The following GRIK1 variants were observed in gnomAD, a reference collection of about 807,000 sequenced individuals.
GRIK1 encodes glutamate receptor ionotropic, kainate 1.
A neutral mutation model predicts 105.7 loss-of-function variants in GRIK1; 69 were observed. The observed-to-expected ratio is 0.65, with a 90% CI of 0.54 to 0.80. GRIK1 has a LOEUF of 0.80. Ranked by LOEUF, GRIK1 falls within the 30% of genes least tolerant of loss-of-function variation. The pLI is 0.00. For synonymous variants in GRIK1, 438 were observed against 431.3 expected (o/e 1.02, Z -0.19); for missense variants, 1,109 against 1,167.3 (o/e 0.95, Z 0.73).
rs555370452 is a variant in GRIK1 at position 29,719,063 on chromosome 21, G to GGT, written c.119-25002_119-25001dup. On this transcript the variant is annotated intron_variant, in intron 1 of 17. Coordinates refer to ENST00000327783, the MANE Select transcript of GRIK1 (RefSeq NM_001330994.2). ...CTTGAGCCAGTAGTTACAGTAGAAA[G>GGT]GTGTGTGTGTGTATATACATATATA... 6.4e-4 allele frequency among the ~76,000 whole-genome samples: 72 copies of GGT among 113,226 alleles called. No homozygotes were observed. The East Asian group carries it at 0.015, about 24-fold the overall frequency. 74.3% of individuals were successfully genotyped at this position (113,226 alleles called of 152,430 possible). A position where few individuals can be genotyped will look rare whatever the true frequency, so the allele number is the denominator to read the frequency against.
intron 1 of GRIK1, among the ~76,000 whole-genome samples, chr21:29,697,989 T>C (rs1053176592): frequency 3.3e-5 from 5 of 150,898 alleles, no homozygotes; most frequent in African/African-American, 1.2e-4. Flanking sequence ...GTCTCTTTCT[T>C]TCTTTCTCTT....
intron 1 of GRIK1, among the ~76,000 whole-genome samples, chr21:29,825,500 A>C (rs1014328363): frequency 1.2e-4 from 19 of 152,090 alleles, no homozygotes; most frequent in African/African-American, 4.3e-4. Flanking sequence ...ACTCTTTTAG[A>C]TGATATATCT....
intron 1 of GRIK1, among the ~76,000 whole-genome samples, chr21:29,802,186 T>C (rs1034342196): frequency 6.6e-6 from 1 of 152,184 alleles, no homozygotes. Flanking sequence ...AATTCAAAAA[T>C]TGTGGAGTCA....
At chr21:29,678,497 G>A (rs363512) in intron 3 of GRIK1, among the ~76,000 whole-genome samples, 19,971 of 151,984 alleles carry the variant, frequency 0.13, 1,900 homozygotes, top group African/African-American at 0.26. Flanking sequence ...CTGAATTCTC[G>A]TTAAGTTTCA....
At chr21:29,846,065 C>A (rs2068102278) in intron 1 of GRIK1, among the ~76,000 whole-genome samples, 2 of 152,144 alleles carry the variant, frequency 1.3e-5, no homozygotes, top group South Asian at 4.1e-4. Flanking sequence ...CTCCTCCCCA[C>A]TGGCCAAATA....
At chr21:29,763,514 G>A (rs749844854) in intron 1 of GRIK1, 1 of 152,402 alleles carries the variant, frequency 6.6e-6, no homozygotes, top group Non-Finnish European at 1.5e-5. Flanking sequence ...GCTGGGGTTA[G>A]TATTAGAGTT....
intron 1 of GRIK1, among the ~76,000 whole-genome samples, chr21:29,753,119 GCTGTCTTA>G (rs1222635187): frequency 6.6e-6 from 1 of 152,200 alleles, no homozygotes; most frequent in Non-Finnish European, 1.5e-5. Context: ...GAGTTTGCAA[GCTGTCTTA>G]CTTCATCCAT....
intron 1 of GRIK1, among the ~76,000 whole-genome samples, chr21:29,707,442 C>CCCTCCCTCCCTTCCTTCCTTCCTT (rs2063936836): frequency 3.0e-4 from 1 of 3,302 alleles, no homozygotes; most frequent in African/African-American, 5.4e-4. Flanking sequence ...CTCCCTCCCT[C>CCCTCCCTCCCTTCCTTCCTTCCTT]CCTCCCTCCC....
At chr21:29,886,854 A>G (rs2146203508) in intron 1 of GRIK1, among the ~76,000 whole-genome samples, 1 of 152,330 alleles carries the variant, frequency 6.6e-6, no homozygotes, top group East Asian at 1.9e-4. Flanking sequence ...TATGAGAGAA[A>G]TGGCAACTAA....
intron 1 of GRIK1, among the ~76,000 whole-genome samples, chr21:29,912,980 T>A (rs555981050): frequency 6.6e-6 from 1 of 152,282 alleles, no homozygotes; most frequent in East Asian, 1.9e-4. Context: ...CAAGACATAC[T>A]TAATAATAAC....
At chr21:29,616,043 G>C (rs988523961) in intron 7 of GRIK1, among the ~76,000 whole-genome samples, 1 of 152,156 alleles carries the variant, frequency 6.6e-6, no homozygotes, top group Admixed American at 6.5e-5. Context: ...GCTGAATCCA[G>C]CACCCAACAG....
At chr21:29,840,111 A>G (rs1241670101) in intron 1 of GRIK1, among the ~76,000 whole-genome samples, 1 of 152,154 alleles carries the variant, frequency 6.6e-6, no homozygotes, top group African/African-American at 2.4e-5. Context: ...ATAATGTTGC[A>G]CTTGATGAGT....
At chr21:29,672,905 G>C in intron 4 of GRIK1, 78 bp downstream of exon 4, 2 of 1,030,884 alleles carry the variant, frequency 1.9e-6, no homozygotes, top group East Asian at 4.8e-5. Flanking sequence ...GCTGCATTAA[G>C]TGAAAACTAG....
chr21:29,872,671 A>C (rs910093055), intron 1 of GRIK1, among the ~76,000 whole-genome samples: 1 of 152,218 alleles, frequency 6.6e-6, no homozygotes, highest in Non-Finnish European at 1.5e-5. Context: ...GAGGCCTCAC[A>C]ATCATGATGG....
intron 6 of GRIK1, among the ~76,000 whole-genome samples, chr21:29,648,507 C>T (rs1287075356): frequency 1.3e-5 from 2 of 152,102 alleles, no homozygotes; most frequent in Non-Finnish European, 2.9e-5. Flanking sequence ...AAGCTTAATT[C>T]TTATTTATTT....
intron 1 of GRIK1, among the ~76,000 whole-genome samples, chr21:29,876,766 G>T (rs192446826): frequency 4.4e-4 from 67 of 152,210 alleles, no homozygotes; most frequent in African/African-American, 1.6e-3. Context: ...ACATTTTGGA[G>T]AATTCTTAAC....
At chr21:29,809,823 GT>G (rs926172390) in intron 1 of GRIK1, among the ~76,000 whole-genome samples, 2 of 152,110 alleles carry the variant, frequency 1.3e-5, no homozygotes, top group Non-Finnish European at 2.9e-5. Context: ...AGAGGCCATT[GT>G]AGGGTTACTA....
At chr21:29,794,336 A>C (rs1007522692) in intron 1 of GRIK1, among the ~76,000 whole-genome samples, 1 of 152,248 alleles carries the variant, frequency 6.6e-6, no homozygotes, top group Non-Finnish European at 1.5e-5. Flanking sequence ...GATTTTAAAT[A>C]ACTGACTCAG....
intron 7 of GRIK1, among the ~76,000 whole-genome samples, chr21:29,606,284 T>C (rs1431413030): frequency 6.6e-6 from 1 of 152,084 alleles, no homozygotes; most frequent in Non-Finnish European, 1.5e-5. Context: ...CTTTTTATTT[T>C]ATTTTATTTT....
Sources: allele counts gnomAD v4.1 joint callset (sites outside exome capture counted in the v4.1 genomes callset), GRCh38; gene constraint gnomAD v4.1.1; transcripts MANE v1.5; gene names NCBI Gene and HGNC (gene_info 2026-07-23, HGNC 2026-07-21).